The following PLXNA4 variants were observed in gnomAD, a reference collection of about 807,000 sequenced individuals.
The protein encoded by PLXNA4 is plexin A4.
Under a neutral mutation model 191.8 loss-of-function variants are expected in PLXNA4, and 44 were observed. The observed-to-expected ratio is 0.23, with a 90% CI of 0.18 to 0.29. The LOEUF is 0.29. PLXNA4 is among the 10% of genes least tolerant of loss of function. The pLI, the probability that PLXNA4 is intolerant of heterozygous loss-of-function variation, is 1.00. For synonymous variants in PLXNA4, 1,082 were observed against 1,009.5 expected (o/e 1.07, Z -1.36); for missense variants, 1,800 against 2,488.8 (o/e 0.72, Z 5.89).
intron 25 of PLXNA4, among the ~76,000 whole-genome samples, chr7:132,150,374 C>G (rs1306626968): frequency 1.3e-5 from 2 of 152,214 alleles, no homozygotes; most frequent in Admixed American, 6.5e-5. Flanking sequence ...GCTGGCCAGA[C>G]AGCTGATGTG....
chr7:132,357,352 C>T (rs1242625012), intron 3 of PLXNA4, among the ~76,000 whole-genome samples: 2 of 152,156 alleles, frequency 1.3e-5, no homozygotes, highest in African/African-American at 4.8e-5. Context: ...TCCTTCTTGC[C>T]TTCCTAATCC....
chr7:132,356,426 T>C (rs894211462), intron 3 of PLXNA4, among the ~76,000 whole-genome samples: 1 of 152,220 alleles, frequency 6.6e-6, no homozygotes, highest in Non-Finnish European at 1.5e-5. Flanking sequence ...ATTTGGTCAA[T>C]GCTGTTGTTA....
In PLXNA4 at chr7:132,175,480, T is replaced by C. The variant is rs535766006; in HGVS notation, c.3875-560A>G. Among the ~76,000 whole-genome samples the C allele has an allele frequency of 4.6e-5, 7 of 152,350 alleles. No individual in the cohort carries two copies. The South Asian group carries it at 1.4e-3, about 32-fold the overall frequency. On this transcript the variant is annotated intron_variant, in intron 20 of 31. Coordinates refer to ENST00000321063, the MANE Select transcript of PLXNA4 (RefSeq NM_020911.2). The stretch of plus-strand genomic sequence containing the variant: ...GGCAGAGATGGAGGCTCAGCCACAC[T>C]AATATAGTCCTTCTGTATAAATAGG...
In PLXNA4 at chr7:132,508,812, A is replaced by G; in HGVS notation, c.-86-33T>C. 1 of 1,427,910 alleles carries G rather than the reference A, an allele frequency of 7.0e-7. No individual in the cohort carries two copies. Among genetic ancestry groups the G allele is most frequent in the Non-Finnish European group, 9.1e-7 (1 of 1,093,570 alleles). The allele number at this position is 1,427,910 out of a possible 1,614,324, so 88.5% of individuals were successfully genotyped here. The stretch of plus-strand genomic sequence containing the variant: ...AAGGGAAGACAATGAGCTGGATAAC[A>G]ATGCCAGTGGCTTCATTTCACCCCA... On this transcript the variant is annotated intron_variant, in intron 1 of 31. Coordinates refer to ENST00000321063, the MANE Select transcript of PLXNA4 (RefSeq NM_020911.2). This position sits in a 1 kb window ranked among gnomAD's most constrained non-coding sequence, Gnocchi z 4.4.
chr7:132,525,821 C>A (rs923845265), intron 1 of PLXNA4, among the ~76,000 whole-genome samples: 2 of 152,230 alleles, frequency 1.3e-5, no homozygotes, highest in Non-Finnish European at 2.9e-5. Flanking sequence ...ATGAGCAACA[C>A]TGCATCACCC....
intron 16 of PLXNA4, 139 bp downstream of exon 16, chr7:132,185,160 T>A (rs528229945): frequency 7.7e-7 from 1 of 1,293,242 alleles, no homozygotes; most frequent in South Asian, 1.6e-5. Context: ...AAGGTCTGAT[T>A]TGGGGGTGTT....
chr7:132,385,067 G>A, intron 3 of PLXNA4: 1 of 1,514,966 alleles, frequency 6.6e-7, no homozygotes, highest in South Asian at 1.3e-5. Context: ...GGGGTGGCAG[G>A]ACATGAGCTA....
At chr7:132,645,993 G>A (rs551454307) in exon 2 of PLXNA4, 2 of 152,768 alleles carry the variant, frequency 1.3e-5, no homozygotes, top group African/African-American at 4.8e-5. Flanking sequence ...CATTCCTGCT[G>A]CTTGCCGCCC....
At chr7:132,570,542 T>A (rs954290090) in intron 1 of PLXNA4, among the ~76,000 whole-genome samples, 1 of 152,234 alleles carries the variant, frequency 6.6e-6, no homozygotes, top group African/African-American at 2.4e-5. Context: ...TCAGTGAGTA[T>A]GTCAGATAAG....
At chr7:132,642,900 CAGTG>C (rs1427316312) in intron 2 of PLXNA4, among the ~76,000 whole-genome samples, 3 of 152,158 alleles carry the variant, frequency 2.0e-5, no homozygotes, top group African/African-American at 4.8e-5. Context: ...GGATGCAAAA[CAGTG>C]AGTATGATAC....
At chr7:132,175,029 TG>T in intron 20 of PLXNA4, 109 bp from the exon 21 acceptor site, 1 of 1,484,496 alleles carries the variant, frequency 6.7e-7, no homozygotes, top group Admixed American at 2.1e-5. Flanking sequence ...ACATGAGCAA[TG>T]GACCACGATG....
chr7:132,532,243 A>G, intron 1 of PLXNA4, among the ~76,000 whole-genome samples: 1 of 152,240 alleles, frequency 6.6e-6, no homozygotes, highest in East Asian at 1.9e-4. Context: ...AAAGGAAGGG[A>G]CAATAATAAC....
At chr7:132,630,049 A>T (rs1803461688) in intron 2 of PLXNA4, among the ~76,000 whole-genome samples, 1 of 152,022 alleles carries the variant, frequency 6.6e-6, no homozygotes, top group Non-Finnish European at 1.5e-5. Context: ...ACAGGGTTCC[A>T]CTGTGTTAGC....
intron 1 of PLXNA4, among the ~76,000 whole-genome samples, chr7:132,523,914 G>A (rs941225753): frequency 2.6e-5 from 4 of 152,198 alleles, no homozygotes; most frequent in African/African-American, 9.7e-5. Context: ...TTTTTAGGAT[G>A]TCAAAGGTGA....
intron 3 of PLXNA4, among the ~76,000 whole-genome samples, chr7:132,362,075 A>C (rs1205001083): frequency 4.6e-5 from 7 of 152,196 alleles, no homozygotes; most frequent in Admixed American, 4.6e-4. Flanking sequence ...AGGCCACTAC[A>C]GCCACCAGGG....
At chr7:132,184,129 C>A (rs1796800131) in intron 16 of PLXNA4, among the ~76,000 whole-genome samples, 1 of 152,206 alleles carries the variant, frequency 6.6e-6, no homozygotes, top group South Asian at 2.1e-4. Flanking sequence ...CCCGGGGAGA[C>A]CACTTCTGCA....
chr7:132,283,289 T>G (rs369910193), intron 4 of PLXNA4, among the ~76,000 whole-genome samples: 1 of 152,146 alleles, frequency 6.6e-6, no homozygotes, highest in Non-Finnish European at 1.5e-5. Context: ...TTGAGAACTA[T>G]GTAACTGGCA....
chr7:132,621,592 A>G (rs1803269005), intron 2 of PLXNA4, among the ~76,000 whole-genome samples: 1 of 152,138 alleles, frequency 6.6e-6, no homozygotes, highest in Admixed American at 6.6e-5. Flanking sequence ...CTGCAAAGGT[A>G]TCTTATTTGA....
intron 30 of PLXNA4, among the ~76,000 whole-genome samples, chr7:132,134,050 C>T (rs1390537024): frequency 2.6e-5 from 4 of 152,158 alleles, no homozygotes; most frequent in Non-Finnish European, 5.9e-5. Flanking sequence ...GAAAGTAAAC[C>T]TGAAACCTAG....
Sources: allele counts gnomAD v4.1 joint callset (sites outside exome capture counted in the v4.1 genomes callset), GRCh38; gene constraint gnomAD v4.1.1; non-coding constraint Gnocchi (gnomAD v3.1); transcripts MANE v1.5; gene names NCBI Gene and HGNC (gene_info 2026-07-23, HGNC 2026-07-21).